DCC: variants seen among roughly 807,000 people sequenced by gnomAD.
DCC encodes DCC netrin 1 receptor, also known as netrin receptor DCC.
DCC carries 58 observed loss-of-function variants against 172.5 expected under a neutral mutation model. That is an observed-to-expected ratio of 0.34 (90% CI 0.27 to 0.42). The LOEUF is 0.42. Ranked by LOEUF, DCC falls within the 10% of genes least tolerant of loss-of-function variation. The pLI is 1.00. For synonymous variants in DCC, 709 were observed against 644.5 expected, an observed-to-expected ratio of 1.10 and a Z score of -1.52; for missense variants, 1,740 against 1,791.0, an observed-to-expected ratio of 0.97 and a Z score of 0.51.
intron 2 of DCC, among the ~76,000 whole-genome samples, chr18:52,888,518 C>T (rs1240938944): frequency 1.3e-5 from 2 of 151,814 alleles, no homozygotes; most frequent in African/African-American, 4.8e-5. Flanking sequence ...AATGAAAGAA[C>T]CCAAGTCAGC....
chr18:52,613,386 G>A (rs949257521), intron 1 of DCC, among the ~76,000 whole-genome samples: 2 of 152,088 alleles, frequency 1.3e-5, no homozygotes, highest in Non-Finnish European at 2.9e-5. Context: ...CTCCCGAGTA[G>A]CTGGGACTAC....
At chr18:52,570,555 A>G (rs1418479588) in intron 1 of DCC, among the ~76,000 whole-genome samples, 1 of 152,204 alleles carries the variant, frequency 6.6e-6, no homozygotes, top group Non-Finnish European at 1.5e-5. Context: ...ATGATGCTGC[A>G]ATAACAACAA....
intron 1 of DCC, among the ~76,000 whole-genome samples, chr18:52,693,515 T>C (rs2035964798): frequency 6.7e-6 from 1 of 150,332 alleles, no homozygotes; most frequent in Non-Finnish European, 1.5e-5. Flanking sequence ...CAATATAACA[T>C]ATATCCCAGC....
intron 1 of DCC, among the ~76,000 whole-genome samples, chr18:52,616,224 G>A (rs2034380027): frequency 6.6e-6 from 1 of 152,006 alleles, no homozygotes; most frequent in Admixed American, 6.6e-5. Flanking sequence ...AGTTGTCATG[G>A]TGTTCAGTCT....
intron 7 of DCC, among the ~76,000 whole-genome samples, chr18:53,092,007 G>T (rs893961541): frequency 6.7e-6 from 1 of 148,426 alleles, no homozygotes; most frequent in African/African-American, 2.6e-5. Context: ...AGATCATTAA[G>T]AACCCTGTGA....
At chr18:53,143,991 G>A (rs1419915036) in intron 7 of DCC, among the ~76,000 whole-genome samples, 1 of 152,124 alleles carries the variant, frequency 6.6e-6, no homozygotes, top group African/African-American at 2.4e-5. Context: ...ATAATTACTT[G>A]GAGGATGAAG....
chr18:52,515,320 A>T (rs2031589104), intron 1 of DCC, among the ~76,000 whole-genome samples: 3 of 152,042 alleles, frequency 2.0e-5, no homozygotes, highest in African/African-American at 7.2e-5. Flanking sequence ...AAAATAGATC[A>T]TAGACGGCTG....
chr18:52,690,823 A>G (rs1479528381), intron 1 of DCC, among the ~76,000 whole-genome samples: 1 of 152,188 alleles, frequency 6.6e-6, no homozygotes, highest in African/African-American at 2.4e-5. Flanking sequence ...AATTTTGAAT[A>G]AAAACTGCAT....
chr18:53,450,627 G>A lies in DCC; in HGVS notation c.3357G>A (p.Val1119=), dbSNP rs1167309475. The A allele has an allele frequency of 1.9e-6, 3 of 1,610,460 alleles. No individual in the cohort carries two copies. Among genetic ancestry groups the A allele is most frequent in the East Asian group, 2.2e-5 (1 of 44,594 alleles). Residue 1119 remains valine, a synonymous_variant, in exon 23 of 29, where the codon GTG becomes GTA. Transcript: ENST00000442544. ...TGCTGGTAGTGGTCATCGTGGCTGT[G>A]ATTTGCACCCGACGCTCTTCAGCCC... ...ITVLVVVIVA[V]ICTRRSSAQQ...
At chr18:53,530,457 G>C in intron 28 of DCC, 107 bp from the exon 29 acceptor site, 1 of 769,794 alleles carries the variant, frequency 1.3e-6, no homozygotes, top group Non-Finnish European at 2.4e-6. Context: ...TGGTCTCCTA[G>C]GTCAGACTTG....
At chr18:52,528,081 T>A (rs2032037265) in intron 1 of DCC, among the ~76,000 whole-genome samples, 1 of 152,224 alleles carries the variant, frequency 6.6e-6, no homozygotes, top group African/African-American at 2.4e-5. Flanking sequence ...TTATGGACTT[T>A]ATGTCTGAGG....
intron 2 of DCC, among the ~76,000 whole-genome samples, chr18:52,787,686 G>C (rs963971212): frequency 1.3e-5 from 2 of 152,104 alleles, no homozygotes; most frequent in Non-Finnish European, 2.9e-5. Flanking sequence ...CCAGCTCAGG[G>C]AAGATAATTT....
intron 1 of DCC, among the ~76,000 whole-genome samples, chr18:52,642,409 A>C (rs981520550): frequency 6.6e-6 from 1 of 152,010 alleles, no homozygotes; most frequent in African/African-American, 2.4e-5. Context: ...AAATCTCACA[A>C]ATCACCAGTA....
Position 53,169,797 on chromosome 18 carries a change from C to T in DCC, c.1419-9165C>T, listed in dbSNP as rs766516550. On this transcript the variant is annotated intron_variant, in intron 8 of 28. Coordinates refer to ENST00000442544, the MANE Select transcript of DCC (RefSeq NM_005215.4). Reference sequence around the variant, plus strand: ...TAAACTTCTCATTATTCACTGTTCTCTTTTCTTCAGAACCCAGTGTGCTTA... The same window carrying T: ...TAAACTTCTCATTATTCACTGTTCTTTTTTCTTCAGAACCCAGTGTGCTTA... Among the ~76,000 whole-genome samples the T allele has an allele frequency of 6.9e-4, 105 of 152,130 alleles. 1 individual carries two copies. The highest frequency in any genetic ancestry group is 1.4e-3 in the Non-Finnish European group (94 of 68,020).
intron 1 of DCC, among the ~76,000 whole-genome samples, chr18:52,602,881 C>T (rs2034047815): frequency 6.6e-6 from 1 of 152,052 alleles, no homozygotes; most frequent in African/African-American, 2.4e-5. Context: ...GTTATTGTCA[C>T]ACTTAACCTG....
At chr18:53,299,617 A>G (rs1437476360) in intron 12 of DCC, among the ~76,000 whole-genome samples, 1 of 152,198 alleles carries the variant, frequency 6.6e-6, no homozygotes, top group East Asian at 1.9e-4. Flanking sequence ...TTATTAGTTC[A>G]TATGTCTCTT....
At chr18:53,368,843 C>A (rs909380607) in intron 15 of DCC, among the ~76,000 whole-genome samples, 1 of 151,882 alleles carries the variant, frequency 6.6e-6, no homozygotes, top group Non-Finnish European at 1.5e-5. Flanking sequence ...ATTACTGTAG[C>A]CTTATAGTAA....
chr18:53,190,944 T>TAAAA (rs1361945533), intron 9 of DCC, among the ~76,000 whole-genome samples: 1 of 152,030 alleles, frequency 6.6e-6, no homozygotes, highest in African/African-American at 2.4e-5. Context: ...GACTCCGTCT[T>TAAAA]AAGAAACAAA....
At chr18:52,417,604 C>G (rs919269545) in intron 1 of DCC, among the ~76,000 whole-genome samples, 97 of 152,120 alleles carry the variant, frequency 6.4e-4, no homozygotes, top group Non-Finnish European at 2.9e-5. Context: ...CTTCCCTTCT[C>G]GCTTTATTTC....
Sources: allele counts gnomAD v4.1 joint callset (sites outside exome capture counted in the v4.1 genomes callset), GRCh38; gene constraint gnomAD v4.1.1; transcripts MANE v1.5; gene names NCBI Gene and HGNC (gene_info 2026-07-23, HGNC 2026-07-21).